The following ITPK1 variants were observed in gnomAD, a reference collection of about 807,000 sequenced individuals.
The protein encoded by ITPK1 is inositol 1,3,4-trisphosphate 5/6-kinase.
In ITPK1, 21 loss-of-function variants were observed where a neutral mutation model predicts 45.3. The observed-to-expected ratio is 0.46, with a 90% CI of 0.33 to 0.67. ITPK1 has a LOEUF of 0.67. ITPK1 is among the 30% of genes least tolerant of loss of function. The pLI, the probability that ITPK1 is intolerant of heterozygous loss-of-function variation, is 0.02. For synonymous variants in ITPK1, 258 were observed against 253.6 expected (o/e 1.02, Z -0.16); for missense variants, 474 against 573.5 (o/e 0.83, Z 1.77).
Position 92,942,050 on chromosome 14 carries a change from T to C in ITPK1, c.902-146A>G. 4.1e-6 allele frequency: 3 copies of C among 726,004 alleles called. No individual in the cohort carries two copies. In the South Asian group the frequency reaches 5.5e-5, roughly 13 times the overall value. The allele number at this position is 726,004 out of a possible 1,614,324, so 45.0% of individuals were successfully genotyped here. On this transcript the variant is annotated intron_variant, in intron 10 of 10. Transcript: ENST00000267615. Reference sequence around the variant, plus strand: ...CCCATTTACAGAGAAAACGTGAGGCTCAGCAGATAAGGGGGGCTGAGGGGA... The same window carrying C: ...CCCATTTACAGAGAAAACGTGAGGCCCAGCAGATAAGGGGGGCTGAGGGGA...
At chr14:93,050,330 C>A (rs1189372236) in intron 3 of ITPK1, among the ~76,000 whole-genome samples, 1 of 152,122 alleles carries the variant, frequency 6.6e-6, no homozygotes, top group Non-Finnish European at 1.5e-5. Flanking sequence ...GGAGGTACTT[C>A]CACTCCCCTA....
intron 3 of ITPK1, chr14:93,066,506 G>C: frequency 3.1e-6 from 1 of 320,660 alleles, no homozygotes; most frequent in South Asian, 2.3e-5. Flanking sequence ...CCGCGTTCGC[G>C]CCATTCTCCT....
rs113955415 is a variant in ITPK1, at chr14:93,100,202, C to A, written c.95+14867G>T. On this transcript the variant is annotated intron_variant, in intron 2 of 10. Coordinates refer to ENST00000267615, the MANE Select transcript of ITPK1 (RefSeq NM_014216.6). The stretch of plus-strand genomic sequence containing the variant: ...CCCAGGATGACAAATCAGAGGCCAA[C>A]AGAAGGAATCCCTGTCCCTGTGGAC... Among the ~76,000 whole-genome samples the A allele has an allele frequency of 5.8e-3, 882 of 152,306 alleles. 8 individuals are homozygous for A. Among genetic ancestry groups the A allele is most frequent in the African/African-American group, 0.02 (827 of 41,546 alleles).
chr14:93,019,175 A>C lies in ITPK1; in HGVS notation c.121-2374T>G, dbSNP rs1227935209. The stretch of plus-strand genomic sequence containing the variant: ...GAGAGGCCAAGACAGCTACGAGCGC[A>C]GGGGGAGCCGGGCCACAGGAGCGAC... On this transcript the variant is annotated intron_variant, in intron 3 of 10. Transcript: ENST00000267615. Among the ~76,000 whole-genome samples, 3 of 152,184 alleles carry C rather than the reference A, an allele frequency of 2.0e-5. No homozygotes were observed. In the East Asian group the frequency reaches 5.8e-4, roughly 29 times the overall value.
intron 10 of ITPK1, among the ~76,000 whole-genome samples, chr14:92,945,887 T>C (rs938184815): frequency 6.6e-6 from 1 of 152,210 alleles, no homozygotes; most frequent in African/African-American, 2.4e-5. Flanking sequence ...GGAGGCAACG[T>C]GAGCCTGGGA....
intron 8 of ITPK1, among the ~76,000 whole-genome samples, chr14:92,953,438 C>T (rs369234597): frequency 6.6e-6 from 1 of 152,226 alleles, no homozygotes. Flanking sequence ...CCCAAGGCAC[C>T]GACAGCCAAG....
In ITPK1 at chr14:92,958,502, G is replaced by T; in HGVS notation, c.505-136C>A. On this transcript the variant is annotated intron_variant, in intron 7 of 10. Transcript: ENST00000267615. The surrounding 1 kb of genome is among the most constrained non-coding windows in gnomAD (Gnocchi z 4.4). ...CTGTGGCATGAGGACTCCCCTAGAG[G>T]AGCCTTGAGCCAGGGTGAGTGGAGT... is the stretch of plus-strand genomic sequence containing the variant. 1 of 752,542 alleles carries T rather than the reference G, an allele frequency of 1.3e-6. No homozygotes were observed. Among genetic ancestry groups the T allele is most frequent in the Non-Finnish European group, 2.2e-6 (1 of 459,954 alleles). 46.6% of individuals were successfully genotyped at this position (752,542 alleles called of 1,614,324 possible).
chr14:93,000,974 T>TAAAA (rs201265189), intron 4 of ITPK1, among the ~76,000 whole-genome samples: 3 of 81,958 alleles, frequency 3.7e-5, no homozygotes, highest in African/African-American at 5.1e-5. Context: ...AGACTCCAAC[T>TAAAA]AAAAAAAAAA....
chr14:92,992,048 C>T (rs1360183552), intron 5 of ITPK1, among the ~76,000 whole-genome samples: 1 of 152,186 alleles, frequency 6.6e-6, no homozygotes, highest in East Asian at 1.9e-4. Context: ...AACAAGAGCC[C>T]AGACAGGAAC....
chr14:93,108,449 C>T (rs550857850), intron 2 of ITPK1, among the ~76,000 whole-genome samples: 1 of 152,166 alleles, frequency 6.6e-6, no homozygotes, highest in Non-Finnish European at 1.5e-5. Context: ...GGAGAAATAA[C>T]CGGTAAAGGC....
intron 3 of ITPK1, among the ~76,000 whole-genome samples, chr14:93,019,303 G>A (rs1276254573): frequency 6.6e-6 from 1 of 152,230 alleles, no homozygotes; most frequent in Admixed American, 6.5e-5. Context: ...CCTTGGCGCT[G>A]GGGAAGGAGG....
At chr14:92,961,149 T>C (rs1274106986) in intron 7 of ITPK1, among the ~76,000 whole-genome samples, 1 of 152,222 alleles carries the variant, frequency 6.6e-6, no homozygotes, top group African/African-American at 2.4e-5. Flanking sequence ...AGGACAAGCC[T>C]TCCCCAGAGA....
Position 92,943,320 on chromosome 14 carries a change from C to T in ITPK1, c.902-1416G>A, listed in dbSNP as rs1338860225. The stretch of plus-strand genomic sequence containing the variant: ...GTGAGCGCCACGGTCCTCAGCCCAC[C>T]GCACCCCTGCAGCCCGTTTCACAGG... On this transcript the variant is annotated intron_variant, in intron 10 of 10. Coordinates refer to ENST00000267615, the MANE Select transcript of ITPK1 (RefSeq NM_014216.6). 2.0e-5 allele frequency among the ~76,000 whole-genome samples: 3 copies of T among 152,350 alleles called. No homozygotes were observed. In the East Asian group the frequency reaches 5.8e-4, roughly 29 times the overall value.
At chr14:92,993,740 G>A in intron 5 of ITPK1, 140 bp downstream of exon 5, 4 of 638,162 alleles carry the variant, frequency 6.3e-6, no homozygotes, top group South Asian at 5.4e-5. Context: ...CAGAATGACT[G>A]CACCATGGAA....
intron 3 of ITPK1, among the ~76,000 whole-genome samples, chr14:93,049,505 C>T (rs1254176694): frequency 6.6e-6 from 1 of 152,156 alleles, no homozygotes; most frequent in East Asian, 1.9e-4. Flanking sequence ...GCCTGGCTGG[C>T]AGGACCAAAC....
At chr14:93,008,221 C>T (rs1887716640) in intron 4 of ITPK1, among the ~76,000 whole-genome samples, 2 of 152,238 alleles carry the variant, frequency 1.3e-5, no homozygotes, top group African/African-American at 4.8e-5. Flanking sequence ...TCCCAGGCCT[C>T]GGTGTGTTTC....
At position 92,941,900 on chromosome 14, in the gene ITPK1, G is replaced by A. The variant is rs200723796; in HGVS notation, c.906C>T (p.Tyr302=). 359 of 1,611,270 alleles carry A rather than the reference G, an allele frequency of 2.2e-4. 1 individual carries two copies. The East Asian group carries it at 4.0e-3, about 18-fold the overall frequency. Residue 302 remains tyrosine (Y), a synonymous_variant, in exon 11 of 11, where the codon TAC becomes TAT. Transcript: ENST00000267615. ...AVIDINAFPG[Y]EGVSEFFTDL... ...CTGTGAAGAACTCGCTCACGCCCTCGTAGCCTGGGGGTGGGAGAGAGACAG... is the reference window on the plus strand; with the variant it reads ...CTGTGAAGAACTCGCTCACGCCCTCATAGCCTGGGGGTGGGAGAGAGACAG...
Position 93,012,655 on chromosome 14 carries a change from G to A in ITPK1, c.246+4021C>T, listed in dbSNP as rs370896290. On this transcript the variant is annotated intron_variant, in intron 4 of 10. Transcript: ENST00000267615. The surrounding 1 kb of genome is among the most constrained non-coding windows in gnomAD (Gnocchi z 4.9). Reference sequence around the variant, plus strand: ...CCTCTCCTCCTGGCCAGGAGCTCGCGGGCAGGGCACCCAGCAGTGCTGCCG... The same window carrying A: ...CCTCTCCTCCTGGCCAGGAGCTCGCAGGCAGGGCACCCAGCAGTGCTGCCG... 7.8e-4 allele frequency among the ~76,000 whole-genome samples: 119 copies of A among 152,230 alleles called. 1 individual carries two copies. The highest frequency in any genetic ancestry group is 2.5e-3 in the African/African-American group (102 of 41,532).
intron 3 of ITPK1, chr14:93,066,279 T>C (rs2139961595): frequency 2.2e-6 from 1 of 454,736 alleles, no homozygotes; most frequent in East Asian, 7.0e-5. Context: ...GCAGCTCAGC[T>C]TGGTGTGCGT....
Sources: allele counts gnomAD v4.1 joint callset (sites outside exome capture counted in the v4.1 genomes callset), GRCh38; gene constraint gnomAD v4.1.1; non-coding constraint Gnocchi (gnomAD v3.1); transcripts MANE v1.5; gene names NCBI Gene and HGNC (gene_info 2026-07-23, HGNC 2026-07-21).